CSMD1: variants seen among roughly 807,000 people sequenced by gnomAD.
The protein encoded by CSMD1 is CUB and Sushi multiple domains 1.
In CSMD1, 213 loss-of-function variants were observed where a neutral mutation model predicts 417.5. The ratio of observed to expected loss-of-function variants is 0.51; its 90% CI spans 0.46 to 0.57. CSMD1 has a LOEUF of 0.57. CSMD1 is among the 20% of genes least tolerant of loss of function. The pLI, the probability that CSMD1 is intolerant of heterozygous loss-of-function variation, is 0.00. For synonymous variants in CSMD1, 2,862 were observed against 1,736.8 expected (o/e 1.65, Z -16.11); for missense variants, 6,923 against 4,529.7 (o/e 1.53, Z -15.17).
intron 4 of CSMD1, among the ~76,000 whole-genome samples, chr8:4,005,191 T>C (rs1041538968): frequency 2.0e-5 from 3 of 152,092 alleles, no homozygotes; most frequent in East Asian, 1.9e-4. Flanking sequence ...ATGCAGTGCA[T>C]ACTGCACAGG....
intron 41 of CSMD1, chr8:3,128,831 T>C (rs1435776417): frequency 2.2e-6 from 1 of 449,306 alleles, no homozygotes; most frequent in Non-Finnish European, 4.4e-6. Context: ...AGTCCTTTCT[T>C]CTCCTTGACA....
intron 3 of CSMD1, among the ~76,000 whole-genome samples, chr8:4,163,655 C>G (rs999636309): frequency 6.6e-6 from 1 of 151,908 alleles, no homozygotes; most frequent in African/African-American, 2.4e-5. Flanking sequence ...GAGTAAAATT[C>G]AAGGAAATAA....
At chr8:3,100,660 CAAT>C (rs1423495094) in intron 46 of CSMD1, among the ~76,000 whole-genome samples, 1 of 152,152 alleles carries the variant, frequency 6.6e-6, no homozygotes, top group Non-Finnish European at 1.5e-5. Flanking sequence ...TCCTTCTGCA[CAAT>C]GTTAGTGCCC....
chr8:4,937,580 A>G (rs1807706123), intron 1 of CSMD1, among the ~76,000 whole-genome samples: 1 of 152,226 alleles, frequency 6.6e-6, no homozygotes, highest in Admixed American at 6.5e-5. Flanking sequence ...ACAAAGAACA[A>G]AGATAGGAAA....
chr8:3,458,666 G>A (rs916135985), intron 12 of CSMD1, among the ~76,000 whole-genome samples: 1 of 152,170 alleles, frequency 6.6e-6, no homozygotes, highest in Non-Finnish European at 1.5e-5. Context: ...GAAAACAATA[G>A]CAACAATGAA....
At chr8:3,811,950 G>A (rs529592408) in intron 5 of CSMD1, among the ~76,000 whole-genome samples, 2 of 151,932 alleles carry the variant, frequency 1.3e-5, no homozygotes, top group East Asian at 1.9e-4. Context: ...AAAGGCTTTT[G>A]TTTGTTTTTG....
At chr8:4,397,108 A>G (rs1804287776) in intron 3 of CSMD1, among the ~76,000 whole-genome samples, 1 of 152,182 alleles carries the variant, frequency 6.6e-6, no homozygotes, top group African/African-American at 2.4e-5. Context: ...TAAGAAGAGT[A>G]TATAACCATC....
At chr8:4,753,482 C>T (rs1401423438) in intron 1 of CSMD1, among the ~76,000 whole-genome samples, 1 of 151,558 alleles carries the variant, frequency 6.6e-6, no homozygotes, top group Non-Finnish European at 1.5e-5. Context: ...ATGAATTTTC[C>T]CCTCCATTCT....
At chr8:3,253,434 G>A (rs1331247110) in intron 26 of CSMD1, among the ~76,000 whole-genome samples, 1 of 152,254 alleles carries the variant, frequency 6.6e-6, no homozygotes, top group East Asian at 1.9e-4. Flanking sequence ...TTGCTGAGGA[G>A]TGCTTTACTT....
chr8:3,096,827 T>G (rs79386922), intron 47 of CSMD1, 22 bp downstream of exon 47: 3 of 1,499,828 alleles, frequency 2.0e-6, no homozygotes, highest in African/African-American at 2.8e-5. Flanking sequence ...GTCACTGCTC[T>G]ACAAAGATTA....
intron 5 of CSMD1, among the ~76,000 whole-genome samples, chr8:3,974,199 C>G (rs1240611349): frequency 2.0e-5 from 3 of 152,000 alleles, no homozygotes; most frequent in Non-Finnish European, 4.4e-5. Context: ...GCTGAAAGAT[C>G]AAAGCCAGGA....
In CSMD1 at chr8:2,977,567, T is replaced by G. The variant is rs143066585; in HGVS notation, c.8566+1045A>C. On this transcript the variant is annotated intron_variant, in intron 55 of 69. Coordinates refer to ENST00000635120, the MANE Select transcript of CSMD1 (RefSeq NM_033225.6). ...AATAGTGCTGCAGTGAACATACACA[T>G]GCATGTATCATGGGATCTAACTAAA... Among the ~76,000 whole-genome samples the G allele has an allele frequency of 5.4e-3, 830 of 152,296 alleles. 1 individual carries two copies. Among genetic ancestry groups the G allele is most frequent in the Non-Finnish European group, 9.0e-3 (611 of 68,014 alleles).
intron 1 of CSMD1, among the ~76,000 whole-genome samples, chr8:4,782,499 T>C (rs996008790): frequency 6.6e-6 from 1 of 152,182 alleles, no homozygotes; most frequent in African/African-American, 2.4e-5. Flanking sequence ...ACCAGAATTG[T>C]AGATTTTGGT....
At chr8:3,101,720 C>T (rs1033757895) in intron 46 of CSMD1, among the ~76,000 whole-genome samples, 3 of 151,990 alleles carry the variant, frequency 2.0e-5, no homozygotes, top group Non-Finnish European at 4.4e-5. Context: ...CCACCGCATC[C>T]GACCAATCCT....
intron 3 of CSMD1, among the ~76,000 whole-genome samples, chr8:4,104,006 C>T (rs1801437627): frequency 6.6e-6 from 1 of 152,210 alleles, no homozygotes; most frequent in Admixed American, 6.5e-5. Flanking sequence ...CAGCTGCACA[C>T]CTGCACAGGC....
chr8:4,453,111 C>A (rs1395111803), intron 2 of CSMD1, among the ~76,000 whole-genome samples: 1 of 151,904 alleles, frequency 6.6e-6, no homozygotes, highest in Non-Finnish European at 1.5e-5. Flanking sequence ...GCCAATGATT[C>A]GGAATTCCTT....
chr8:4,882,317 C>T lies in CSMD1; in HGVS notation c.85+112015G>A, dbSNP rs139897466. On this transcript the variant is annotated intron_variant, in intron 1 of 69. Transcript: ENST00000635120. Reference sequence around the variant, plus strand: ...GGCTGAATGGCATACGGCAGACAAACGACCTCTCCTGACATGTCGCCTGCT... The same window carrying T: ...GGCTGAATGGCATACGGCAGACAAATGACCTCTCCTGACATGTCGCCTGCT... Among the ~76,000 whole-genome samples the T allele has an allele frequency of 2.5e-3, 380 of 151,782 alleles. 3 individuals carry two copies. The highest frequency in any genetic ancestry group is 8.9e-3 in the African/African-American group (367 of 41,332).
chr8:4,958,290 A>G (rs1465508154), intron 1 of CSMD1, among the ~76,000 whole-genome samples: 1 of 152,200 alleles, frequency 6.6e-6, no homozygotes, highest in Admixed American at 6.5e-5. Context: ...TATTTGACAC[A>G]TCAATTTTTT....
At chr8:3,726,139 A>T (rs1285413345) in intron 6 of CSMD1, among the ~76,000 whole-genome samples, 1 of 151,796 alleles carries the variant, frequency 6.6e-6, no homozygotes, top group African/African-American at 2.4e-5. Flanking sequence ...GCCAACAGCC[A>T]TGCAGGCACC....
Sources: allele counts gnomAD v4.1 joint callset (sites outside exome capture counted in the v4.1 genomes callset), GRCh38; gene constraint gnomAD v4.1.1; transcripts MANE v1.5; gene names NCBI Gene and HGNC (gene_info 2026-07-23, HGNC 2026-07-21).